Variants in EFCAB6 observed in about 807,000 individuals in gnomAD.
The protein encoded by EFCAB6 is EF-hand calcium binding domain 6.
EFCAB6 carries 156 observed loss-of-function variants against 169.8 expected under a neutral mutation model. The ratio of observed to expected loss-of-function variants is 0.92; its 90% confidence interval spans 0.81 to 1.05. The LOEUF is 1.05. Among genes scored for constraint, EFCAB6 ranks in the 50% least tolerant of loss-of-function variants. The pLI, the probability that EFCAB6 is intolerant of heterozygous loss-of-function variation, is 0.00. For missense variants in EFCAB6, 1,800 were observed against 1,829.1 expected (o/e 0.98, Z 0.29); for synonymous variants, 698 against 676.4 (o/e 1.03, Z -0.50).
chr22:43,735,624 G>A (rs1221147764), intron 7 of EFCAB6, among the ~76,000 whole-genome samples: 3 of 152,128 alleles, frequency 2.0e-5, no homozygotes, highest in Admixed American at 1.3e-4. Context: ...GCCAGAGGAC[G>A]GACCCCAAGG....
chr22:43,604,989 G>A (rs1041529576), intron 22 of EFCAB6, among the ~76,000 whole-genome samples: 9 of 152,250 alleles, frequency 5.9e-5, no homozygotes, highest in Admixed American at 3.3e-4. Context: ...TTCTAGCAAA[G>A]TTTGTTTTAG....
At chr22:43,604,894 C>A (rs543546766) in intron 22 of EFCAB6, among the ~76,000 whole-genome samples, 1 of 152,192 alleles carries the variant, frequency 6.6e-6, no homozygotes, top group Non-Finnish European at 1.5e-5. Context: ...AGGATCTCCA[C>A]GGATATTTCC....
chr22:43,585,296 T>TA (rs963414146), intron 24 of EFCAB6, among the ~76,000 whole-genome samples: 45 of 144,728 alleles, frequency 3.1e-4, no homozygotes, highest in East Asian at 1.2e-3. Context: ...TGCCAGAAAT[T>TA]AAAAAAAAAA....
chr22:43,808,994 C>T lies in EFCAB6; in HGVS notation c.-8+1G>A, dbSNP rs1267895390. ...TTCAGAAGGTGTTATCGAAAACTTA[C>T]TATTCAGAAATCTTCAATCTCAAAT... On this transcript the variant is annotated splice_donor_variant, in intron 2 of 31. Transcript: ENST00000262726. LOFTEE classifies it low-confidence loss of function (5UTR_SPLICE). 1.3e-5 allele frequency: 2 copies of T among 152,232 alleles called. No homozygotes were observed. Among genetic ancestry groups the T allele is most frequent in the African/African-American group, 2.4e-5 (1 of 41,456 alleles). 9.4% of individuals were successfully genotyped at this position (152,232 alleles called of 1,614,324 possible).
chr22:43,530,556 C>T, intron 31 of EFCAB6: 1 of 985,414 alleles, frequency 1.0e-6, no homozygotes, highest in African/African-American at 1.7e-5. Flanking sequence ...CAGGCACTGA[C>T]CCTGAGGAGC....
chr22:43,632,127 C>G lies in EFCAB6; in HGVS notation c.2210G>C (p.Arg737Thr), dbSNP rs1396570261. ...TAEECLKLFP[R>T]RLKESFRDPY... ...TACCCGGAATGACTCCTTCAGCCTC[C>G]TAGGGAAAAGCTTCAGGCATTCTTC... The change falls in exon 19 of 32, where the codon AGG becomes ACG. Residue 737 changes from arginine (R) to threonine (T), a missense_variant. By Grantham distance (71) the Arg-to-Thr change is moderately conservative. Transcript: ENST00000262726. 3 of 1,614,004 alleles carry G rather than the reference C, an allele frequency of 1.9e-6. No individual in the cohort carries two copies.
chr22:43,588,960 T>C (rs2147384356), intron 24 of EFCAB6, among the ~76,000 whole-genome samples: 1 of 151,970 alleles, frequency 6.6e-6, no homozygotes, highest in South Asian at 2.1e-4. Flanking sequence ...CGGAGGTAAG[T>C]TTTCTTGTGT....
chr22:43,804,019 C>T (rs970712854), intron 2 of EFCAB6, among the ~76,000 whole-genome samples: 14 of 152,172 alleles, frequency 9.2e-5, no homozygotes, highest in African/African-American at 3.1e-4. Context: ...GCTAGAATGA[C>T]ATATTCTTTT....
At position 43,628,289 on chromosome 22, in the gene EFCAB6, T is replaced by C. The variant is rs2054665445; in HGVS notation, c.2233-1610A>G. 6.6e-6 allele frequency among the ~76,000 whole-genome samples: 1 copy of C among 152,008 alleles called. No homozygotes were observed. Among genetic ancestry groups the C allele is most frequent in the Admixed American group, 6.5e-5 (1 of 15,268 alleles). The stretch of plus-strand genomic sequence containing the variant: ...GGAGCCCTTCTGAGCCCTCGCTTCC[T>C]CTCACACCCACATCCAGTCTGCCCA... On this transcript the variant is annotated intron_variant, in intron 19 of 31. Transcript: ENST00000262726. This position sits in a 1 kb window ranked among gnomAD's most constrained non-coding sequence, Gnocchi z 4.8.
intron 17 of EFCAB6, among the ~76,000 whole-genome samples, chr22:43,643,549 G>A (rs900429080): frequency 6.6e-6 from 1 of 152,224 alleles, no homozygotes; most frequent in Non-Finnish European, 1.5e-5. Flanking sequence ...CCCAGCTCTG[G>A]CAGCCAAGGC....
At chr22:43,568,649 G>A (rs2049609059) in intron 26 of EFCAB6, among the ~76,000 whole-genome samples, 1 of 152,104 alleles carries the variant, frequency 6.6e-6, no homozygotes. Context: ...GGCAGGTGCT[G>A]GAGGAGGTGA....
Position 43,795,885 on chromosome 22 carries a change from C to T in EFCAB6, c.-8+13110G>A, listed in dbSNP as rs1286706526. The stretch of plus-strand genomic sequence containing the variant: ...TCTCACCATACACAGTCACCACACA[C>T]AATACACACTCACCACACATACACC... On this transcript the variant is annotated intron_variant, in intron 2 of 31. Coordinates refer to ENST00000262726, the MANE Select transcript of EFCAB6 (RefSeq NM_022785.4). The surrounding 1 kb of genome is among the most constrained non-coding windows in gnomAD (Gnocchi z 4.2). 6.6e-6 allele frequency among the ~76,000 whole-genome samples: 1 copy of T among 151,058 alleles called. No homozygotes were observed. The highest frequency in any genetic ancestry group is 1.5e-5 in the Non-Finnish European group (1 of 67,740).
chr22:43,640,434 G>C (rs2055721055), intron 17 of EFCAB6, among the ~76,000 whole-genome samples: 1 of 152,136 alleles, frequency 6.6e-6, no homozygotes, highest in Admixed American at 6.5e-5. Flanking sequence ...CCTTAGCTAG[G>C]TTACTTGCAA....
intron 26 of EFCAB6, among the ~76,000 whole-genome samples, chr22:43,561,803 T>C (rs990010236): frequency 1.1e-4 from 17 of 152,306 alleles, no homozygotes; most frequent in African/African-American, 4.1e-4. Flanking sequence ...GCTTTTTCTA[T>C]AACTAGAAGA....
At chr22:43,636,778 T>G (rs1464459604) in intron 17 of EFCAB6, among the ~76,000 whole-genome samples, 4 of 151,448 alleles carry the variant, frequency 2.6e-5, no homozygotes, top group Non-Finnish European at 5.9e-5. Flanking sequence ...GCCCAGCTAA[T>G]TTTTTGTATT....
intron 17 of EFCAB6, 126 bp downstream of exon 17, chr22:43,666,978 G>C (rs1332569122): frequency 8.4e-7 from 1 of 1,194,766 alleles, no homozygotes; most frequent in Admixed American, 2.7e-5. Context: ...CTTTTAAATT[G>C]TTGAAAGATG....
In EFCAB6 at chr22:43,799,176, A is replaced by T. The variant is rs560907428; in HGVS notation, c.-8+9819T>A. On this transcript the variant is annotated intron_variant, in intron 2 of 31. Coordinates refer to ENST00000262726, the MANE Select transcript of EFCAB6 (RefSeq NM_022785.4). ...ACCTCGTCTTTACAAAAAAAAAAAA[A>T]TTTTAATCAGCCAGGTAGGGTGGTG... is the stretch of plus-strand genomic sequence containing the variant. Among the ~76,000 whole-genome samples the T allele has an allele frequency of 3.4e-3, 522 of 151,846 alleles. 4 individuals carry two copies. The highest frequency in any genetic ancestry group is 4.2e-3 in the Non-Finnish European group (283 of 67,926).
chr22:43,785,972 G>A (rs1430143757), intron 2 of EFCAB6, among the ~76,000 whole-genome samples: 1 of 152,190 alleles, frequency 6.6e-6, no homozygotes, highest in Non-Finnish European at 1.5e-5. Flanking sequence ...ATAGAATTAT[G>A]ACAAAAAGAT....
At chr22:43,772,377 T>C (rs1002569531) in intron 4 of EFCAB6, among the ~76,000 whole-genome samples, 2 of 152,192 alleles carry the variant, frequency 1.3e-5, no homozygotes, top group Admixed American at 1.3e-4. Context: ...CAGTGGCTCA[T>C]GCCTGTAATC....
Sources: gnomAD v4.1 joint callset for allele counts (sites outside exome capture counted in the v4.1 genomes callset) on GRCh38, gnomAD v4.1.1 for gene constraint, Gnocchi (gnomAD v3.1) non-coding constraint, MANE v1.5 for transcripts, NCBI Gene and HGNC (gene_info 2026-07-23, HGNC 2026-07-21) for gene names.